LRATD1: variants seen among roughly 807,000 people sequenced by gnomAD.
LRATD1 encodes the protein LRAT domain containing 1.
Under a neutral mutation model 21.3 loss-of-function variants are expected in LRATD1, and 8 were observed. The observed-to-expected ratio is 0.38, with a 90% CI of 0.22 to 0.68. The LOEUF is 0.68. LRATD1 is among the 30% of genes least tolerant of loss of function. The pLI is 0.54. For synonymous variants in LRATD1, 210 were observed against 186.2 expected (o/e 1.13, Z -1.04); for missense variants, 380 against 404.0 (o/e 0.94, Z 0.51).
downstream of LRATD1, chr2:14,650,934 C>A (rs1671993609): frequency 6.6e-6 from 1 of 152,126 alleles, no homozygotes. Flanking sequence ...CATATACACA[C>A]ACTGTTTTGC....
In LRATD1 at chr2:14,634,981, C is replaced by A; in HGVS notation, c.*123C>A. 6.8e-6 allele frequency: 9 copies of A among 1,317,682 alleles called. No homozygotes were observed. The highest frequency in any genetic ancestry group is 9.3e-6 in the Non-Finnish European group (9 of 965,770). 81.6% of individuals were successfully genotyped at this position (1,317,682 alleles called of 1,614,324 possible). A position where few individuals can be genotyped will look rare whatever the true frequency, so the allele number is the denominator to read the frequency against. ...CCGCCCCGCCACGCGCGTCCGCCGC[C>A]GGTGGCCCGGGCCCGGGCTGCACCC... On this transcript the variant is annotated 3_prime_UTR_variant, in exon 2 of 2. Transcript: ENST00000295092.
rs1671713170 is a variant in LRATD1 at position 14,637,475 on chromosome 2, T to G, written c.*2617T>G. On this transcript the variant is annotated 3_prime_UTR_variant, in exon 2 of 2. Transcript: ENST00000295092. Reference sequence around the variant, plus strand: ...GCAGTTAAATTAGCATTTGTTACTATATTGGCCTATAAAGGATCAGGTTGA... The same window carrying G: ...GCAGTTAAATTAGCATTTGTTACTAGATTGGCCTATAAAGGATCAGGTTGA... 6.0e-6 allele frequency: 1 copy of G among 167,012 alleles called. No individual in the cohort carries two copies. Among genetic ancestry groups the G allele is most frequent in the Non-Finnish European group, 1.5e-5 (1 of 68,102 alleles). The allele number at this position is 167,012 out of a possible 1,614,324, so 10.3% of individuals were successfully genotyped here.
At chr2:14,645,524 T>C (rs577249470) in intron 2 of LRATD1, among the ~76,000 whole-genome samples, 29 of 152,302 alleles carry the variant, frequency 1.9e-4, no homozygotes, top group African/African-American at 6.5e-4. Flanking sequence ...TTTAATAAAT[T>C]AAATTTATCT....
At chr2:14,648,237 C>A (rs973971765) in intron 4 of LRATD1, among the ~76,000 whole-genome samples, 9 of 152,176 alleles carry the variant, frequency 5.9e-5, no homozygotes, top group Non-Finnish European at 1.2e-4. Flanking sequence ...CCTTTGGAGC[C>A]TCTGCCTATT....
rs1487373714 is a variant in LRATD1, at chr2:14,635,155, C to A, written c.*297C>A. The A allele has an allele frequency of 4.5e-6, 3 of 671,368 alleles. No homozygotes were observed. The highest frequency in any genetic ancestry group is 8.4e-6 in the Non-Finnish European group (3 of 355,848). 41.6% of individuals were successfully genotyped at this position (671,368 alleles called of 1,614,324 possible). A position where few individuals can be genotyped will look rare whatever the true frequency, so the allele number is the denominator to read the frequency against. ...TTCCCCTTGAGATGTAAACCGGGAA[C>A]GGGGAAGGGGCTGAGGGGAGAAAGG... On this transcript the variant is annotated 3_prime_UTR_variant, in exon 2 of 2. Transcript: ENST00000295092.
At chr2:14,643,269 G>A (rs1671834353), downstream of LRATD1, among the ~76,000 whole-genome samples, 2 of 152,138 alleles carry the variant, frequency 1.3e-5, no homozygotes, top group Non-Finnish European at 2.9e-5. Context: ...AAAATGAGAG[G>A]AGAGGTAGTT....
In LRATD1 at chr2:14,649,090, G is replaced by C. The variant is rs533202855; in HGVS notation, n.437-226G>C. ...ATTTACAACTTCATTAAAAGTCCTG[G>C]GACTTGCCTCTCTCCCAGTGGGAAC... On this transcript the variant is annotated intron_variant and non_coding_transcript_variant, in intron 4 of 5. Transcript: ENST00000464947. 5.3e-5 allele frequency among the ~76,000 whole-genome samples: 8 copies of C among 152,048 alleles called. No individual in the cohort carries two copies. The South Asian group carries it at 1.7e-3, about 32-fold the overall frequency.
chr2:14,638,771 T>C lies in LRATD1; in HGVS notation c.*3913T>C, dbSNP rs1376176473. 6.0e-6 allele frequency: 1 copy of C among 167,026 alleles called. No individual in the cohort carries two copies. Among genetic ancestry groups the C allele is most frequent in the African/African-American group, 2.4e-5 (1 of 41,448 alleles). The allele number at this position is 167,026 out of a possible 1,614,324, so 10.3% of individuals were successfully genotyped here. A position where few individuals can be genotyped will look rare whatever the true frequency, so the allele number is the denominator to read the frequency against. On this transcript the variant is annotated 3_prime_UTR_variant, in exon 2 of 2. Coordinates refer to ENST00000295092, the MANE Select transcript of LRATD1 (RefSeq NM_145175.4). ...TATCTTTAAAGCTTTCTTCTCTTTTTTGAACAAATGAAGAGAATCCAGTTA... is the reference window on the plus strand; with the variant it reads ...TATCTTTAAAGCTTTCTTCTCTTTTCTGAACAAATGAAGAGAATCCAGTTA...
At chr2:14,642,937 C>T (rs1671830439), downstream of LRATD1, among the ~76,000 whole-genome samples, 2 of 152,110 alleles carry the variant, frequency 1.3e-5, no homozygotes, top group South Asian at 4.1e-4. Context: ...TAATCTGGTT[C>T]TGGACATGGT....
rs553668228 is a variant in LRATD1, at chr2:14,632,840, G to T, written c.-134G>T. 1 of 153,202 alleles carries T rather than the reference G, an allele frequency of 6.5e-6. No individual in the cohort carries two copies. The highest frequency in any genetic ancestry group is 1.9e-4 in the East Asian group (1 of 5,180). 9.5% of individuals were successfully genotyped at this position (153,202 alleles called of 1,614,324 possible). A position where few individuals can be genotyped will look rare whatever the true frequency, so the allele number is the denominator to read the frequency against. On this transcript the variant is annotated 5_prime_UTR_variant, in exon 1 of 2. Coordinates refer to ENST00000295092, the MANE Select transcript of LRATD1 (RefSeq NM_145175.4). ...GTAGAGCGGAGCCGCAGCCCCACGC[G>T]CAGCCCAGGACCCACTCGCCACCGC...
At chr2:14,643,501 C>G (rs921258679), downstream of LRATD1, among the ~76,000 whole-genome samples, 25 of 152,212 alleles carry the variant, frequency 1.6e-4, no homozygotes, top group South Asian at 6.2e-4. Context: ...AGTGCATTCT[C>G]ACTGGGAGCC....
At position 14,633,334 on chromosome 2, in the gene LRATD1, G is replaced by T. The variant is rs1168603613; in HGVS notation, c.-37+397G>T. 6.6e-6 allele frequency among the ~76,000 whole-genome samples: 1 copy of T among 152,192 alleles called. No homozygotes were observed. The highest frequency in any genetic ancestry group is 1.5e-5 in the Non-Finnish European group (1 of 68,036). On this transcript the variant is annotated intron_variant, in intron 1 of 1. Coordinates refer to ENST00000295092, the MANE Select transcript of LRATD1 (RefSeq NM_145175.4). This position sits in a 1 kb window ranked among gnomAD's most constrained non-coding sequence, Gnocchi z 7.5. The stretch of plus-strand genomic sequence containing the variant: ...TCTAAGTGTGCCAGTGTGTCGTCGC[G>T]AAGGTTTGTCATTGTGGGTGTATGT...
chr2:14,640,521 A>G (rs1272766663), downstream of LRATD1, among the ~76,000 whole-genome samples: 1 of 152,242 alleles, frequency 6.6e-6, no homozygotes, highest in Non-Finnish European at 1.5e-5. Flanking sequence ...GTTTCAAAAA[A>G]TTGAAAAAGA....
downstream of LRATD1, among the ~76,000 whole-genome samples, chr2:14,641,054 T>C (rs964615982): frequency 5.3e-5 from 8 of 152,228 alleles, no homozygotes; most frequent in Non-Finnish European, 2.9e-5. Context: ...CTAAAACTTA[T>C]CTGTTTATCT....
downstream of LRATD1, among the ~76,000 whole-genome samples, chr2:14,642,506 G>A (rs1241330712): frequency 1.3e-5 from 2 of 152,172 alleles, no homozygotes; most frequent in Non-Finnish European, 2.9e-5. Flanking sequence ...CCACTGTAGT[G>A]AATGGGCTGT....
chr2:14,634,279 C>A lies in LRATD1; in HGVS notation c.300C>A (p.Ser100Arg). 2 of 1,604,960 alleles carry A rather than the reference C, an allele frequency of 1.2e-6. No homozygotes were observed. Among genetic ancestry groups the A allele is most frequent in the African/African-American group, 2.7e-5 (2 of 75,044 alleles). Residue 100 changes from serine to arginine, a missense_variant, in exon 2 of 2, where the codon AGC (serine) becomes AGA (arginine). Physicochemically the swap from Ser to Arg is moderately radical, Grantham distance 110. Transcript: ENST00000295092. ...AGGAATGCATCTTTTCCAAAGTGAG[C>A]GGTGGCCCTCAGGGCGCCGACCTAA... ...RGQECIFSKV[S>R]GGPQGADLSV...
At chr2:14,644,880 G>T (rs570445179), downstream of LRATD1, among the ~76,000 whole-genome samples, 3 of 152,282 alleles carry the variant, frequency 2.0e-5, no homozygotes, top group South Asian at 6.2e-4. Context: ...GATGCAGTGT[G>T]CAGAATGTTG....
At position 14,637,491 on chromosome 2, in the gene LRATD1, A is replaced by T. The variant is rs1671713496; in HGVS notation, c.*2633A>T. 1.2e-5 allele frequency: 2 copies of T among 167,030 alleles called. No homozygotes were observed. The highest frequency in any genetic ancestry group is 2.9e-5 in the Non-Finnish European group (2 of 68,120). 10.3% of individuals were successfully genotyped at this position (167,030 alleles called of 1,614,324 possible). On this transcript the variant is annotated 3_prime_UTR_variant, in exon 2 of 2. Coordinates refer to ENST00000295092, the MANE Select transcript of LRATD1 (RefSeq NM_145175.4). ...TTGTTACTATATTGGCCTATAAAGG[A>T]TCAGGTTGATGATAATACCTCTAAA...
Position 14,638,027 on chromosome 2 carries a change from T to A in LRATD1, c.*3169T>A, listed in dbSNP as rs1671726025. The A allele has an allele frequency of 6.0e-6, 1 of 166,874 alleles. No homozygotes were observed. The highest frequency in any genetic ancestry group is 1.5e-5 in the Non-Finnish European group (1 of 68,062). 10.3% of individuals were successfully genotyped at this position (166,874 alleles called of 1,614,324 possible). A position where few individuals can be genotyped will look rare whatever the true frequency, so the allele number is the denominator to read the frequency against. ...AAAAGCTATATTTATACTGCATTCT[T>A]TCTCAACTTTCAGGTAAAACAAACT... is the stretch of plus-strand genomic sequence containing the variant. On this transcript the variant is annotated 3_prime_UTR_variant, in exon 2 of 2. Transcript: ENST00000295092.
Sources: gnomAD v4.1 joint callset for allele counts (sites outside exome capture counted in the v4.1 genomes callset) on GRCh38, gnomAD v4.1.1 for gene constraint, Gnocchi (gnomAD v3.1) non-coding constraint, MANE v1.5 for transcripts, NCBI Gene and HGNC (gene_info 2026-07-23, HGNC 2026-07-21) for gene names.